MAP2: variants seen among roughly 807,000 people sequenced by gnomAD.
The protein encoded by MAP2 is microtubule associated protein 2.
Under a neutral mutation model 137.6 loss-of-function variants are expected in MAP2, and 14 were observed. The ratio of observed to expected loss-of-function variants is 0.10; its 90% CI spans 0.07 to 0.16. MAP2 has a LOEUF of 0.16. Among genes scored for constraint, MAP2 ranks in the 10% least tolerant of loss-of-function variants. The probability of loss-of-function intolerance (pLI) is 1.00; values close to 1 mark genes in which losing one functional copy is unlikely to be tolerated. For synonymous variants in MAP2, 786 were observed against 782.3 expected, an observed-to-expected ratio of 1.00 and a Z score of -0.08; for missense variants, 2,088 against 2,191.5, an observed-to-expected ratio of 0.95 and a Z score of 0.94.
intron 1 of MAP2, among the ~76,000 whole-genome samples, chr2:209,499,199 A>G (rs1055189517): frequency 1.3e-5 from 2 of 152,180 alleles, no homozygotes; most frequent in Non-Finnish European, 2.9e-5. Context: ...TCTGCCAGAT[A>G]TGCTGTATAG....
intron 5 of MAP2, among the ~76,000 whole-genome samples, chr2:209,676,226 A>T (rs972676660): frequency 6.6e-6 from 1 of 151,954 alleles, no homozygotes; most frequent in African/African-American, 2.4e-5. Flanking sequence ...GAACAAGATC[A>T]TGTATTTTGC....
At chr2:209,593,595 C>G (rs1559370485) in intron 3 of MAP2, among the ~76,000 whole-genome samples, 1 of 81,308 alleles carries the variant, frequency 1.2e-5, no homozygotes, top group Non-Finnish European at 2.2e-5. Context: ...CCAGCCTGGG[C>G]AACACACCAA....
intron 2 of MAP2, among the ~76,000 whole-genome samples, chr2:209,511,746 A>AT (rs554192256): frequency 3.2e-4 from 48 of 151,758 alleles, no homozygotes; most frequent in Non-Finnish European, 7.1e-4. Context: ...TATATTTTTT[A>AT]TTTTTTGTAG....
At chr2:209,655,147 A>G (rs12618080) in intron 5 of MAP2, among the ~76,000 whole-genome samples, 8,647 of 152,300 alleles carry the variant, frequency 0.057, 387 homozygotes, top group East Asian at 0.22. Flanking sequence ...TATACATTTA[A>G]AAGAGGCTAA....
intron 5 of MAP2, among the ~76,000 whole-genome samples, chr2:209,665,975 A>C (rs1182007828): frequency 6.6e-6 from 1 of 152,194 alleles, no homozygotes; most frequent in Non-Finnish European, 1.5e-5. Flanking sequence ...TAGTAGTAAT[A>C]ATAATTATTG....
intron 1 of MAP2, among the ~76,000 whole-genome samples, chr2:209,451,704 G>A (rs1430159663): frequency 6.6e-6 from 1 of 152,184 alleles, no homozygotes; most frequent in East Asian, 1.9e-4. Context: ...GTTTAATGCA[G>A]ACATTCAGCA....
At chr2:209,536,547 A>G (rs777842442) in intron 2 of MAP2, among the ~76,000 whole-genome samples, 7 of 152,196 alleles carry the variant, frequency 4.6e-5, no homozygotes, top group Non-Finnish European at 1.0e-4. Flanking sequence ...TTTGTCAGTC[A>G]AGTGAGAGCT....
At chr2:209,601,202 C>A (rs926098408) in intron 3 of MAP2, among the ~76,000 whole-genome samples, 1 of 152,140 alleles carries the variant, frequency 6.6e-6, no homozygotes, top group Admixed American at 6.6e-5. Flanking sequence ...GTTATACTTA[C>A]ATTTAAAATT....
chr2:209,533,679 C>A (rs938138956), intron 2 of MAP2, among the ~76,000 whole-genome samples: 2 of 152,134 alleles, frequency 1.3e-5, no homozygotes, highest in African/African-American at 4.8e-5. Flanking sequence ...TGTTTATGCT[C>A]AAGGCATACT....
intron 3 of MAP2, among the ~76,000 whole-genome samples, chr2:209,590,697 G>A (rs1004865744): frequency 6.6e-6 from 1 of 152,106 alleles, no homozygotes; most frequent in African/African-American, 2.4e-5. Context: ...TGTTTCAAGC[G>A]CTTGATAGCC....
At chr2:209,704,162 T>C in intron 11 of MAP2, 1 of 420,900 alleles carries the variant, frequency 2.4e-6, no homozygotes, top group Non-Finnish European at 4.6e-6. Context: ...GCCATCTTTA[T>C]GTCCGTGTGT....
intron 1 of MAP2, among the ~76,000 whole-genome samples, chr2:209,424,838 T>C (rs1692099096): frequency 6.6e-6 from 1 of 152,148 alleles, no homozygotes; most frequent in Non-Finnish European, 1.5e-5. Context: ...AAATGCCTGG[T>C]GGTGTTGGAG....
intron 1 of MAP2, among the ~76,000 whole-genome samples, chr2:209,476,508 C>G (rs1707274410): frequency 1.3e-5 from 2 of 151,500 alleles, no homozygotes; most frequent in Admixed American, 6.6e-5. Context: ...GTATCCTGGT[C>G]AGAGCCCTAT....
chr2:209,434,917 A>ATATGTTATATATATATG (rs377079366), intron 1 of MAP2, among the ~76,000 whole-genome samples: 7 of 133,716 alleles, frequency 5.2e-5, no homozygotes, highest in South Asian at 4.8e-4. Flanking sequence ...TGTTATATAT[A>ATATGTTATATATATATG]TGTTATATAT....
At chr2:209,434,837 A>ATATATATATGTTATATATATATGT (rs1695305429) in intron 1 of MAP2, among the ~76,000 whole-genome samples, 3 of 102,612 alleles carry the variant, frequency 2.9e-5, no homozygotes, top group African/African-American at 1.1e-4. Flanking sequence ...CTCTCTCTAT[A>ATATATATATGTTATATATATATGT]TATATATATA....
At chr2:209,561,114 C>G (rs940556848) in intron 2 of MAP2, among the ~76,000 whole-genome samples, 5 of 152,152 alleles carry the variant, frequency 3.3e-5, no homozygotes, top group Non-Finnish European at 7.3e-5. Context: ...CACAGAGACT[C>G]AATGATTTTA....
intron 7 of MAP2, among the ~76,000 whole-genome samples, chr2:209,687,805 G>A (rs558820260): frequency 6.6e-6 from 1 of 152,104 alleles, no homozygotes; most frequent in Non-Finnish European, 1.5e-5. Context: ...TGGACTCCTA[G>A]CCCCCTCCAT....
chr2:209,661,087 T>A (rs1174912656), intron 5 of MAP2, among the ~76,000 whole-genome samples: 1 of 152,032 alleles, frequency 6.6e-6, no homozygotes, highest in Non-Finnish European at 1.5e-5. Context: ...AAGGAAAAGT[T>A]TGGCAGCTCT....
intron 2 of MAP2, among the ~76,000 whole-genome samples, chr2:209,513,521 T>C (rs1406529874): frequency 1.3e-5 from 2 of 151,918 alleles, no homozygotes; most frequent in Non-Finnish European, 2.9e-5. Context: ...TAAACAATTG[T>C]ATTACATATG....
Sources: allele counts gnomAD v4.1 joint callset (sites outside exome capture counted in the v4.1 genomes callset), GRCh38; gene constraint gnomAD v4.1.1; transcripts MANE v1.5; gene names NCBI Gene and HGNC (gene_info 2026-07-23, HGNC 2026-07-21).